The following IQCH variants were observed in gnomAD, a reference collection of about 807,000 sequenced individuals.
IQCH encodes IQ domain-containing protein H.
Under a neutral mutation model 117.0 loss-of-function variants are expected in IQCH, and 98 were observed. That is an observed-to-expected ratio of 0.84 (90% CI 0.71 to 0.99). The LOEUF (loss-of-function observed/expected upper bound fraction) is 0.99, where lower values mean the gene tolerates loss of function less well. IQCH is among the 50% of genes least tolerant of loss of function. The pLI, the probability that IQCH is intolerant of heterozygous loss-of-function variation, is 0.00. For synonymous variants in IQCH, 412 were observed against 448.2 expected (o/e 0.92, Z 1.02); for missense variants, 1,102 against 1,243.8 (o/e 0.89, Z 1.72).
intron 10 of IQCH, among the ~76,000 whole-genome samples, chr15:67,379,336 G>A (rs2140812541): frequency 6.6e-6 from 1 of 152,290 alleles, no homozygotes; most frequent in African/African-American, 2.4e-5. Context: ...GTAATTCTAA[G>A]TGTTAGTTGC....
At chr15:67,478,700 C>A (rs1352555817) in intron 18 of IQCH, among the ~76,000 whole-genome samples, 3 of 151,908 alleles carry the variant, frequency 2.0e-5, no homozygotes. Flanking sequence ...CCAGGGCGGG[C>A]AGATCACGAG....
At chr15:67,299,387 T>C (rs144834429) in intron 4 of IQCH, among the ~76,000 whole-genome samples, 2 of 152,216 alleles carry the variant, frequency 1.3e-5, no homozygotes, top group African/African-American at 4.8e-5. Context: ...CTGGTCACTC[T>C]GTTATACTCA....
At chr15:67,280,921 A>G (rs903994114) in intron 4 of IQCH, among the ~76,000 whole-genome samples, 6 of 152,064 alleles carry the variant, frequency 3.9e-5, no homozygotes, top group Non-Finnish European at 5.9e-5. Context: ...ATCTCGGCTC[A>G]CTGCAACCTC....
At chr15:67,271,902 G>T (rs543993548) in intron 3 of IQCH, among the ~76,000 whole-genome samples, 1 of 151,732 alleles carries the variant, frequency 6.6e-6, no homozygotes, top group Admixed American at 6.6e-5. Context: ...GTATGTTTTT[G>T]TCTCAATTTC....
intron 4 of IQCH, among the ~76,000 whole-genome samples, chr15:67,329,290 C>A: frequency 1.0e-5 from 1 of 97,842 alleles, no homozygotes; most frequent in East Asian, 2.3e-4. Context: ...CAGAGCAAGA[C>A]CTTGTCTCAA....
Position 67,425,747 on chromosome 15 carries a change from A to G in IQCH, c.2505+4170A>G, listed in dbSNP as rs1193369652. Among the ~76,000 whole-genome samples the G allele has an allele frequency of 3.9e-5, 6 of 152,188 alleles. No homozygotes were observed. In the East Asian group the frequency reaches 1.2e-3, roughly 29 times the overall value. On this transcript the variant is annotated intron_variant, in intron 16 of 20. Coordinates refer to ENST00000335894, the MANE Select transcript of IQCH (RefSeq NM_001031715.3). The surrounding 1 kb of genome is among the most constrained non-coding windows in gnomAD (Gnocchi z 5.5). ...TTAGCATCCATTGGCAACTTTTTCCACTACCACTACGATAGTGGTAATTTT... is the reference window on the plus strand; with the variant it reads ...TTAGCATCCATTGGCAACTTTTTCCGCTACCACTACGATAGTGGTAATTTT...
At chr15:67,285,369 A>G (rs907774274) in intron 4 of IQCH, among the ~76,000 whole-genome samples, 1 of 152,056 alleles carries the variant, frequency 6.6e-6, no homozygotes, top group African/African-American at 2.4e-5. Flanking sequence ...TAGTTTGCGA[A>G]AATTTTCTCC....
intron 4 of IQCH, chr15:67,304,537 A>C: frequency 1.6e-6 from 1 of 615,598 alleles, no homozygotes; most frequent in East Asian, 3.2e-5. Flanking sequence ...TGTAATGTAG[A>C]TGTTAAGTAA....
chr15:67,272,331 A>C (rs1258693918), intron 3 of IQCH, among the ~76,000 whole-genome samples: 3 of 152,214 alleles, frequency 2.0e-5, no homozygotes, highest in African/African-American at 4.8e-5. Context: ...GGCCTAAGAC[A>C]TGATTTCTAA....
rs536953733 is a variant in IQCH at position 67,372,554 on chromosome 15, A to T, written c.1197A>T (p.Ser399=). Residue 399 remains serine, a synonymous_variant, in exon 9 of 21, where the codon TCA becomes TCT. Coordinates refer to ENST00000335894, the MANE Select transcript of IQCH (RefSeq NM_001031715.3). ...FLFYRQQKWA[S]GVIAIAWLLY... is the part of the protein sequence containing the mutation. ...TTTATCGCCAGCAGAAGTGGGCATC[A>T]GGTGTGATTGCCATTGCTTGGCTGT... 11 of 1,614,060 alleles carry T rather than the reference A, an allele frequency of 6.8e-6. No individual in the cohort carries two copies. In the East Asian group the frequency reaches 2.5e-4, roughly 36 times the overall value.
chr15:67,484,802 G>A (rs2083431356), intron 18 of IQCH, among the ~76,000 whole-genome samples: 1 of 151,882 alleles, frequency 6.6e-6, no homozygotes, highest in Non-Finnish European at 1.5e-5. Flanking sequence ...TGAGCTGTCA[G>A]TACTCTACTG....
intron 15 of IQCH, among the ~76,000 whole-genome samples, chr15:67,418,552 C>CA (rs1555489495): frequency 6.7e-6 from 1 of 148,410 alleles, no homozygotes; most frequent in Non-Finnish European, 1.5e-5. Flanking sequence ...CACACACACA[C>CA]AAGATCAATA....
rs79171522 is a variant in IQCH at position 67,433,559 on chromosome 15, A to G, written c.2505+11982A>G. The stretch of plus-strand genomic sequence containing the variant: ...CAGCTGTTCCCCCAGGACTTCCTCA[A>G]AAGATGCCCATTCTCATCATGGAGC... On this transcript the variant is annotated intron_variant, in intron 16 of 20. Transcript: ENST00000335894. This position sits in a 1 kb window ranked among gnomAD's most constrained non-coding sequence, Gnocchi z 5.4. 0.018 allele frequency among the ~76,000 whole-genome samples: 2,790 copies of G among 152,268 alleles called. 36 individuals carry two copies. Among genetic ancestry groups the G allele is most frequent in the Middle Eastern group, 0.068 (20 of 294 alleles).
chr15:67,394,491 G>A (rs1452749457), intron 12 of IQCH, among the ~76,000 whole-genome samples: 4 of 152,090 alleles, frequency 2.6e-5, no homozygotes, highest in Admixed American at 2.6e-4. Context: ...TCTCAGTTAT[G>A]TGTTAACTGT....
rs1971670322 is a variant in IQCH, at chr15:67,401,798, C to G, written c.2097+1493C>G. The stretch of plus-strand genomic sequence containing the variant: ...TTACTCTTCTAGATAAAGATAAAAA[C>G]AAAGAAAATGTATTTAATTTTGAGG... On this transcript the variant is annotated intron_variant, in intron 14 of 20. Coordinates refer to ENST00000335894, the MANE Select transcript of IQCH (RefSeq NM_001031715.3). The surrounding 1 kb of genome is among the most constrained non-coding windows in gnomAD (Gnocchi z 4.7). Among the ~76,000 whole-genome samples the G allele has an allele frequency of 1.3e-5, 2 of 152,168 alleles. No individual in the cohort carries two copies. The highest frequency in any genetic ancestry group is 4.2e-4 in the South Asian group (2 of 4,810).
rs1346543825 is a variant in IQCH, at chr15:67,336,933, G to A, written c.388-42G>A. The stretch of plus-strand genomic sequence containing the variant: ...TTACAAGAAGAAAACTGTTCACTGT[G>A]AAGGCAAAAATGTTTGCTGAAACAA... On this transcript the variant is annotated intron_variant, in intron 4 of 20. Transcript: ENST00000335894. 6.8e-6 allele frequency: 11 copies of A among 1,606,076 alleles called. No homozygotes were observed. In the East Asian group the frequency reaches 1.8e-4, roughly 26 times the overall value.
intron 4 of IQCH, among the ~76,000 whole-genome samples, chr15:67,282,795 A>C (rs1347771128): frequency 6.6e-6 from 1 of 152,176 alleles, no homozygotes; most frequent in Admixed American, 6.5e-5. Context: ...CTCTCTCACC[A>C]AAAGTGGATA....
At position 67,385,598 on chromosome 15, in the gene IQCH, G is replaced by A. The variant is rs1389105901; in HGVS notation, c.1456+579G>A. On this transcript the variant is annotated intron_variant, in intron 11 of 20. Transcript: ENST00000335894. This position sits in a 1 kb window ranked among gnomAD's most constrained non-coding sequence, Gnocchi z 4.6. ...TTGTAAAAGTCAGGTTCTGATACTGGTTTGGTCAGTTCTTAATCAGACACC... is the reference window on the plus strand; with the variant it reads ...TTGTAAAAGTCAGGTTCTGATACTGATTTGGTCAGTTCTTAATCAGACACC... Among the ~76,000 whole-genome samples, 3 of 152,102 alleles carry A rather than the reference G, an allele frequency of 2.0e-5. No homozygotes were observed. The highest frequency in any genetic ancestry group is 4.4e-5 in the Non-Finnish European group (3 of 68,022).
intron 8 of IQCH, among the ~76,000 whole-genome samples, chr15:67,362,512 CTG>C (rs1264091528): frequency 5.9e-5 from 9 of 152,118 alleles, no homozygotes; most frequent in Admixed American, 1.3e-4. Context: ...ATTTAGAAAA[CTG>C]TAATTATTTT....
Sources: allele counts gnomAD v4.1 joint callset (sites outside exome capture counted in the v4.1 genomes callset), GRCh38; gene constraint gnomAD v4.1.1; non-coding constraint Gnocchi (gnomAD v3.1); transcripts MANE v1.5; gene names NCBI Gene and HGNC (gene_info 2026-07-23, HGNC 2026-07-21).